The following CSMD1 variants were observed in gnomAD, a reference collection of about 807,000 sequenced individuals.
CSMD1 encodes CUB and Sushi multiple domains 1, also known as CUB and sushi domain-containing protein 1.
A neutral mutation model predicts 417.5 loss-of-function variants in CSMD1; 213 were observed. The observed-to-expected ratio is 0.51, with a 90% CI of 0.46 to 0.57. CSMD1 has a LOEUF of 0.57. CSMD1 is among the 20% of genes least tolerant of loss of function. CSMD1 has a pLI of 0.00. For synonymous variants in CSMD1, 2,862 were observed against 1,736.8 expected (o/e 1.65, Z -16.11); for missense variants, 6,923 against 4,529.7 (o/e 1.53, Z -15.17).
chr8:3,552,505 T>C (rs1798960672), intron 10 of CSMD1, among the ~76,000 whole-genome samples: 1 of 152,168 alleles, frequency 6.6e-6, no homozygotes, highest in Non-Finnish European at 1.5e-5. Context: ...TCAGAAAACA[T>C]TGCTAAAGAG....
At chr8:4,916,533 T>C (rs1179502476) in intron 1 of CSMD1, among the ~76,000 whole-genome samples, 1 of 152,220 alleles carries the variant, frequency 6.6e-6, no homozygotes, top group Non-Finnish European at 1.5e-5. Flanking sequence ...TGCAGTTGTT[T>C]AGAATGAGAA....
At chr8:3,968,049 T>C (rs1585049056) in intron 5 of CSMD1, among the ~76,000 whole-genome samples, 1 of 118,142 alleles carries the variant, frequency 8.5e-6, no homozygotes, top group African/African-American at 3.5e-5. Flanking sequence ...TAGCCGGGAG[T>C]GGTGGCGGGC....
intron 3 of CSMD1, among the ~76,000 whole-genome samples, chr8:4,373,376 C>T (rs73175788): frequency 0.019 from 2,960 of 152,260 alleles, 46 homozygotes; most frequent in Non-Finnish European, 0.025. Flanking sequence ...TTATTAACTG[C>T]AACAAATGTG....
intron 18 of CSMD1, among the ~76,000 whole-genome samples, chr8:3,383,864 T>A (rs1368544683): frequency 1.3e-5 from 2 of 152,158 alleles, no homozygotes; most frequent in African/African-American, 4.8e-5. Flanking sequence ...AAACTTTTGA[T>A]ATGTTTAAGC....
At chr8:4,103,717 T>C (rs1286053049) in intron 3 of CSMD1, among the ~76,000 whole-genome samples, 2 of 151,992 alleles carry the variant, frequency 1.3e-5, no homozygotes, top group African/African-American at 4.8e-5. Context: ...ATGATAAGAG[T>C]TCCTTTATCC....
At chr8:3,787,630 T>A (rs1799517835) in intron 5 of CSMD1, among the ~76,000 whole-genome samples, 1 of 152,166 alleles carries the variant, frequency 6.6e-6, no homozygotes, top group African/African-American at 2.4e-5. Flanking sequence ...GTATTTTTAT[T>A]CCAAGGAGAA....
intron 4 of CSMD1, among the ~76,000 whole-genome samples, chr8:3,999,265 C>G (rs1163644561): frequency 6.6e-6 from 1 of 151,934 alleles, no homozygotes; most frequent in African/African-American, 2.4e-5. Context: ...CAGCCTGTTA[C>G]CAAGATGGGG....
At chr8:4,703,422 G>A (rs563801490) in intron 1 of CSMD1, among the ~76,000 whole-genome samples, 16 of 152,096 alleles carry the variant, frequency 1.1e-4, no homozygotes, top group East Asian at 1.9e-4. Flanking sequence ...CTGTAATTTC[G>A]TACTTAGAAC....
intron 3 of CSMD1, among the ~76,000 whole-genome samples, chr8:4,130,015 G>A (rs1443254455): frequency 6.6e-6 from 1 of 151,912 alleles, no homozygotes; most frequent in Non-Finnish European, 1.5e-5. Flanking sequence ...TGCCTTTCTT[G>A]TCAGAAGATT....
chr8:3,672,447 C>G (rs1429952993), intron 7 of CSMD1, among the ~76,000 whole-genome samples: 2 of 152,116 alleles, frequency 1.3e-5, no homozygotes, highest in Non-Finnish European at 2.9e-5. Flanking sequence ...AGTGTGGGAG[C>G]TGACTTTCAA....
intron 11 of CSMD1, among the ~76,000 whole-genome samples, chr8:3,480,534 C>G (rs919257134): frequency 6.6e-6 from 1 of 152,094 alleles, no homozygotes; most frequent in Non-Finnish European, 1.5e-5. Context: ...AAAATAATTG[C>G]TGAAAACTTA....
chr8:3,333,136 A>T (rs1807017625), intron 23 of CSMD1, among the ~76,000 whole-genome samples: 1 of 152,050 alleles, frequency 6.6e-6, no homozygotes, highest in South Asian at 2.1e-4. Context: ...CACTGTGACG[A>T]CCTGAGTTCT....
intron 3 of CSMD1, among the ~76,000 whole-genome samples, chr8:4,161,572 G>C (rs1044297396): frequency 3.9e-5 from 6 of 152,148 alleles, no homozygotes; most frequent in African/African-American, 1.4e-4. Flanking sequence ...TTTGGACAGA[G>C]TTCATCAAGC....
In CSMD1 at chr8:3,183,362, A is replaced by G. The variant is rs62502894; in HGVS notation, c.5621-2148T>C. 5.2e-3 allele frequency among the ~76,000 whole-genome samples: 409 copies of G among 78,568 alleles called. 34 individuals are homozygous for G. Among genetic ancestry groups the G allele is most frequent in the African/African-American group, 0.013 (379 of 28,392 alleles). The allele number at this position is 78,568 out of a possible 152,430, so 51.5% of individuals were successfully genotyped here. A position where few individuals can be genotyped will look rare whatever the true frequency, so the allele number is the denominator to read the frequency against. On this transcript the variant is annotated intron_variant, in intron 36 of 69. Transcript: ENST00000635120. ...TCGAGTAGGTCTCTAATGTTTCTTA[A>G]CGATACCATCGGCACCCACCGACGT... is the stretch of plus-strand genomic sequence containing the variant.
intron 5 of CSMD1, among the ~76,000 whole-genome samples, chr8:3,799,886 T>G (rs1244989111): frequency 6.6e-6 from 1 of 152,168 alleles, no homozygotes; most frequent in African/African-American, 2.4e-5. Flanking sequence ...ATTGCTGACT[T>G]GCTATATAAT....
At chr8:3,253,208 C>T (rs1800401909) in intron 26 of CSMD1, among the ~76,000 whole-genome samples, 1 of 151,950 alleles carries the variant, frequency 6.6e-6, no homozygotes, top group South Asian at 2.1e-4. Context: ...GTATGTGTCC[C>T]AGAGATTCTG....
chr8:3,016,500 C>T (rs979546626), intron 52 of CSMD1, among the ~76,000 whole-genome samples: 1 of 152,172 alleles, frequency 6.6e-6, no homozygotes, highest in Non-Finnish European at 1.5e-5. Context: ...ATGCTTCACA[C>T]GTTATGAATC....
chr8:3,968,052 T>A (rs1238814584), intron 5 of CSMD1, among the ~76,000 whole-genome samples: 2 of 139,258 alleles, frequency 1.4e-5, no homozygotes, highest in Non-Finnish European at 3.1e-5. Flanking sequence ...CCGGGAGTGG[T>A]GGCGGGCGCC....
intron 48 of CSMD1, among the ~76,000 whole-genome samples, chr8:3,089,383 G>A (rs769164036): frequency 1.3e-5 from 2 of 152,220 alleles, no homozygotes; most frequent in South Asian, 2.1e-4. Flanking sequence ...AATTCAGCCT[G>A]CGCTTAGCAC....
Sources: allele counts gnomAD v4.1 joint callset (sites outside exome capture counted in the v4.1 genomes callset), GRCh38; gene constraint gnomAD v4.1.1; transcripts MANE v1.5; gene names NCBI Gene and HGNC (gene_info 2026-07-23, HGNC 2026-07-21).